Variants in L3MBTL4 observed in about 807,000 individuals in gnomAD.
L3MBTL4 encodes L3MBTL histone methyl-lysine binding protein 4, also known as lethal(3)malignant brain tumor-like protein 4.
L3MBTL4 carries 70 observed loss-of-function variants against 84.5 expected under a neutral mutation model. That is an observed-to-expected ratio of 0.83 (90% CI 0.68 to 1.01). The LOEUF is 1.01. L3MBTL4 is among the 50% of genes least tolerant of loss of function. The pLI is 0.00. For synonymous variants in L3MBTL4, 274 were observed against 259.8 expected (o/e 1.05, Z -0.52); for missense variants, 715 against 754.8 (o/e 0.95, Z 0.62).
intron 14 of L3MBTL4, among the ~76,000 whole-genome samples, chr18:6,117,641 G>A (rs1221727562): frequency 6.6e-6 from 1 of 152,182 alleles, no homozygotes; most frequent in Non-Finnish European, 1.5e-5. Flanking sequence ...TTCTGAACCT[G>A]TTTCCTCATC....
intron 4 of L3MBTL4, among the ~76,000 whole-genome samples, chr18:6,271,488 G>T (rs1346929467): frequency 3.3e-5 from 5 of 152,202 alleles, no homozygotes; most frequent in Admixed American, 2.0e-4. Context: ...CGAAGCTGCC[G>T]GGCACCAGGC....
intron 16 of L3MBTL4, among the ~76,000 whole-genome samples, chr18:6,042,414 C>T (rs556932890): frequency 4.6e-5 from 7 of 152,060 alleles, no homozygotes; most frequent in Middle Eastern, 3.4e-3. Flanking sequence ...CCACACCTGC[C>T]TCCAGTCCTC....
At chr18:6,282,952 C>T (rs1410828445) in intron 4 of L3MBTL4, among the ~76,000 whole-genome samples, 4 of 152,168 alleles carry the variant, frequency 2.6e-5, no homozygotes, top group Admixed American at 2.0e-4. Flanking sequence ...CTTGAACCTC[C>T]AGGCAGCCCC....
intron 16 of L3MBTL4, chr18:6,029,411 C>T: frequency 2.2e-6 from 2 of 929,316 alleles, no homozygotes; most frequent in Middle Eastern, 5.5e-4. Flanking sequence ...GTTTATTTAC[C>T]TAGAAACCCA....
chr18:6,268,312 C>T (rs1286059213), intron 4 of L3MBTL4, among the ~76,000 whole-genome samples: 1 of 152,086 alleles, frequency 6.6e-6, no homozygotes, highest in Non-Finnish European at 1.5e-5. Context: ...GAGGCTGAGA[C>T]AGGAGAATTG....
intron 13 of L3MBTL4, among the ~76,000 whole-genome samples, chr18:6,150,719 T>TGA (rs2144824268): frequency 6.6e-6 from 1 of 152,258 alleles, no homozygotes; most frequent in East Asian, 1.9e-4. Context: ...ACTGTAGAAC[T>TGA]GAGAGAGAAC....
intron 14 of L3MBTL4, among the ~76,000 whole-genome samples, chr18:6,101,664 CAT>C (rs2058833876): frequency 1.3e-5 from 2 of 152,234 alleles, no homozygotes; most frequent in African/African-American, 4.8e-5. Flanking sequence ...CGAATCCACT[CAT>C]GTGTCAGTCT....
intron 16 of L3MBTL4, among the ~76,000 whole-genome samples, 197 bp downstream of exon 16, chr18:6,080,684 G>A (rs1407648367): frequency 6.6e-6 from 1 of 152,184 alleles, no homozygotes; most frequent in East Asian, 1.9e-4. Flanking sequence ...CTTTTAAAAT[G>A]AGAAAATGAA....
chr18:6,237,863 A>C, intron 10 of L3MBTL4, 101 bp downstream of exon 10: 1 of 860,510 alleles, frequency 1.2e-6, no homozygotes, highest in Non-Finnish European at 2.0e-6. Context: ...TATCATATTA[A>C]ATAGATATGT....
intron 12 of L3MBTL4, among the ~76,000 whole-genome samples, chr18:6,202,656 G>A (rs1049958899): frequency 4.6e-5 from 7 of 151,184 alleles, no homozygotes; most frequent in Non-Finnish European, 7.4e-5. Context: ...TGACTACGGC[G>A]GTTGACCATG....
In L3MBTL4 at chr18:6,307,965, A is replaced by G. The variant is rs2050665321; in HGVS notation, c.72+3589T>C. On this transcript the variant is annotated intron_variant, in intron 3 of 18. Transcript: ENST00000317931. ...GGAAATTTGAAATTTCACAGCCTGT[A>G]TATTATTTTGGGGTTTTGTGCGCAG... Among the ~76,000 whole-genome samples, 2 of 152,158 alleles carry G rather than the reference A, an allele frequency of 1.3e-5. 1 individual carries two copies. Among genetic ancestry groups the G allele is most frequent in the South Asian group, 4.1e-4 (2 of 4,830 alleles).
At chr18:6,160,663 G>A (rs746413506) in intron 13 of L3MBTL4, among the ~76,000 whole-genome samples, 28 of 151,488 alleles carry the variant, frequency 1.8e-4, no homozygotes, top group African/African-American at 5.6e-4. Flanking sequence ...CTTGGGAGGC[G>A]GAGGTTGCAG....
At chr18:6,140,421 T>C (rs1017733160) in intron 13 of L3MBTL4, among the ~76,000 whole-genome samples, 2 of 152,184 alleles carry the variant, frequency 1.3e-5, no homozygotes, top group Non-Finnish European at 2.9e-5. Context: ...ATGTTTTGCA[T>C]AACTAAGTTC....
intron 1 of L3MBTL4, among the ~76,000 whole-genome samples, chr18:6,381,311 G>C (rs2054586708): frequency 6.6e-6 from 1 of 152,076 alleles, no homozygotes; most frequent in Non-Finnish European, 1.5e-5. Context: ...TCTTTTAATT[G>C]GGGCATTTAG....
chr18:6,208,823 C>T lies in L3MBTL4; in HGVS notation c.981+4326G>A, dbSNP rs139832524. 2.2e-3 allele frequency among the ~76,000 whole-genome samples: 328 copies of T among 152,256 alleles called. 1 individual carries two copies. The highest frequency in any genetic ancestry group is 7.5e-3 in the African/African-American group (313 of 41,536). ...ATCATAAACGCTTATTAGAGAGCAA[C>T]CATCATAATTAATAAACCTAGCATC... On this transcript the variant is annotated intron_variant, in intron 12 of 18. Transcript: ENST00000317931.
chr18:6,095,514 C>T (rs9963826), intron 14 of L3MBTL4, among the ~76,000 whole-genome samples: 4,099 of 152,088 alleles, frequency 0.027, 181 homozygotes, highest in African/African-American at 0.095. Flanking sequence ...CCACACCCGG[C>T]TAATTTTTTG....
At chr18:5,980,009 AG>A (rs1567943417) in intron 16 of L3MBTL4, among the ~76,000 whole-genome samples, 1 of 152,178 alleles carries the variant, frequency 6.6e-6, no homozygotes, top group African/African-American at 2.4e-5. Flanking sequence ...CTGGGAAAAC[AG>A]GGCTGCTGCT....
At chr18:6,135,804 C>T (rs915508707) in intron 14 of L3MBTL4, among the ~76,000 whole-genome samples, 2 of 152,226 alleles carry the variant, frequency 1.3e-5, no homozygotes, top group African/African-American at 4.8e-5. Context: ...ACTGTTCCAA[C>T]CTCTGCCCTT....
At chr18:5,990,726 A>G (rs918090780) in intron 16 of L3MBTL4, among the ~76,000 whole-genome samples, 2 of 151,982 alleles carry the variant, frequency 1.3e-5, no homozygotes, top group African/African-American at 4.8e-5. Flanking sequence ...TACAAAGTCT[A>G]AGCCCTGAAG....
Sources: allele counts gnomAD v4.1 joint callset (sites outside exome capture counted in the v4.1 genomes callset), GRCh38; gene constraint gnomAD v4.1.1; transcripts MANE v1.5; gene names NCBI Gene and HGNC (gene_info 2026-07-23, HGNC 2026-07-21).